CLIP2: variants seen among roughly 807,000 people sequenced by gnomAD.
CLIP2 encodes CAP-Gly domain-containing linker protein 2.
CLIP2 carries 41 observed loss-of-function variants against 111.7 expected under a neutral mutation model. The ratio of observed to expected loss-of-function variants is 0.37; its 90% CI spans 0.29 to 0.48. CLIP2 has a LOEUF of 0.48. Among genes scored for constraint, CLIP2 ranks in the 20% least tolerant of loss-of-function variants. The pLI is 0.99. For missense variants in CLIP2, 1,160 were observed against 1,422.1 expected, an observed-to-expected ratio of 0.82 and a Z score of 2.96; for synonymous variants, 660 against 644.2, an observed-to-expected ratio of 1.02 and a Z score of -0.37.
intron 3 of CLIP2, among the ~76,000 whole-genome samples, chr7:74,352,144 T>C (rs576746473): frequency 6.6e-6 from 1 of 152,030 alleles, no homozygotes; most frequent in Non-Finnish European, 1.5e-5. Flanking sequence ...CTATTAAAAC[T>C]AGGCAGACAG....
At chr7:74,330,645 GC>G (rs1219219154) in intron 2 of CLIP2, among the ~76,000 whole-genome samples, 1 of 152,098 alleles carries the variant, frequency 6.6e-6, no homozygotes, top group Non-Finnish European at 1.5e-5. Flanking sequence ...ATGTCGGGAT[GC>G]TCCTGAACTC....
rs544436717 is a variant in CLIP2, at chr7:74,397,970, A to T, written c.2880+737A>T. On this transcript the variant is annotated intron_variant, in intron 14 of 16. Transcript: ENST00000223398. ...GTGTCAGCCACTGCGCCCGGTCGAGATTTCTTTTCTATTATGAATAGGAAC... is the reference window on the plus strand; with the variant it reads ...GTGTCAGCCACTGCGCCCGGTCGAGTTTTCTTTTCTATTATGAATAGGAAC... 2.8e-4 allele frequency among the ~76,000 whole-genome samples: 42 copies of T among 149,124 alleles called. No individual in the cohort carries two copies. The South Asian group carries it at 6.8e-3, about 24-fold the overall frequency.
intron 8 of CLIP2, among the ~76,000 whole-genome samples, chr7:74,369,523 A>T (rs1424744333): frequency 6.6e-6 from 1 of 151,910 alleles, no homozygotes; most frequent in Non-Finnish European, 1.5e-5. Context: ...AGCCTGGGTG[A>T]CAGAGCAAGA....
At chr7:74,401,385 G>A in intron 15 of CLIP2, 120 bp from the exon 16 acceptor site, 1 of 903,746 alleles carries the variant, frequency 1.1e-6, no homozygotes. Flanking sequence ...GGAGCCCCAG[G>A]CTGAAGGGGT....
intron 14 of CLIP2, among the ~76,000 whole-genome samples, chr7:74,399,468 T>G (rs1244427373): frequency 6.8e-6 from 1 of 146,960 alleles, no homozygotes; most frequent in Non-Finnish European, 1.5e-5. Flanking sequence ...AGCCCAGGAA[T>G]TGGAGGCTGT....
intron 11 of CLIP2, among the ~76,000 whole-genome samples, chr7:74,386,102 CA>C (rs1458736573): frequency 2.0e-5 from 3 of 146,978 alleles, no homozygotes; most frequent in Non-Finnish European, 4.5e-5. Context: ...GGCTGGAGTG[CA>C]ATGGCGCTAT....
At chr7:74,306,682 G>A (rs782296916) in intron 1 of CLIP2, among the ~76,000 whole-genome samples, 10 of 152,184 alleles carry the variant, frequency 6.6e-5, no homozygotes, top group Non-Finnish European at 1.3e-4. Context: ...AAGGGGGACT[G>A]TTGGTCTGAA....
chr7:74,394,552 G>A (rs533867054), intron 13 of CLIP2, among the ~76,000 whole-genome samples: 270 of 152,292 alleles, frequency 1.8e-3, no homozygotes, highest in Non-Finnish European at 3.3e-3. Flanking sequence ...CCCGGGCCCA[G>A]CATTTGCATT....
At chr7:74,398,017 A>T (rs1318978158) in intron 14 of CLIP2, among the ~76,000 whole-genome samples, 1 of 151,724 alleles carries the variant, frequency 6.6e-6, no homozygotes, top group East Asian at 2.0e-4. Flanking sequence ...GAGTCTGCAG[A>T]GACGGGTTGG....
chr7:74,329,848 C>T (rs1222950218), intron 2 of CLIP2, among the ~76,000 whole-genome samples: 4 of 152,084 alleles, frequency 2.6e-5, no homozygotes, highest in Non-Finnish European at 5.9e-5. Context: ...GGCACGATCT[C>T]AGCTCACTGC....
In CLIP2 at chr7:74,338,978, G is replaced by C; in HGVS notation, c.652G>C (p.Asp218His). ...DSGSVKRGEKDLRLGDRVLVG... is the reference protein window; with the variant it reads ...DSGSVKRGEKHLRLGDRVLVG... ...CGGCTCTGTGAAGCGGGGCGAAAAG[G>C]ACCTGCGCCTGGGGGACCGCGTGCT... Residue 218 changes from aspartate (D) to histidine (H), a missense_variant, in exon 3 of 17, where the codon GAC becomes CAC. By Grantham distance (81) the Asp-to-His change is moderately conservative (BLOSUM62 -1). This residue lies in a region of CLIP2 where 301 missense variants were observed against 315.2 expected (regional missense o/e 0.96). Coordinates refer to ENST00000223398, the MANE Select transcript of CLIP2 (RefSeq NM_003388.5). The surrounding 1 kb of genome is among the most constrained non-coding windows in gnomAD (Gnocchi z 4.3). 3 of 1,598,598 alleles carry C rather than the reference G, an allele frequency of 1.9e-6. No individual in the cohort carries two copies. The highest frequency in any genetic ancestry group is 2.5e-6 in the Non-Finnish European group (3 of 1,179,668).
At chr7:74,378,595 G>A (rs1584377169) in intron 10 of CLIP2, among the ~76,000 whole-genome samples, 1 of 152,146 alleles carries the variant, frequency 6.6e-6, no homozygotes, top group Admixed American at 6.5e-5. Context: ...AAAATTAGCC[G>A]AGTACAGTGG....
intron 1 of CLIP2, among the ~76,000 whole-genome samples, chr7:74,308,402 C>G (rs1170233623): frequency 1.3e-5 from 2 of 152,170 alleles, no homozygotes; most frequent in African/African-American, 4.8e-5. Context: ...GCCACTCAGA[C>G]CTGAGTGCTA....
chr7:74,321,840 T>C (rs1363515238), intron 2 of CLIP2, among the ~76,000 whole-genome samples: 1 of 151,976 alleles, frequency 6.6e-6, no homozygotes, highest in Non-Finnish European at 1.5e-5. Flanking sequence ...TGTACAGTCA[T>C]CAGTCATGTC....
intron 5 of CLIP2, 85 bp downstream of exon 5, chr7:74,356,708 C>A: frequency 1.6e-6 from 2 of 1,254,728 alleles, no homozygotes; most frequent in East Asian, 2.5e-5. Context: ...TCTGGTCTGC[C>A]CCTGACTTAC....
intron 8 of CLIP2, among the ~76,000 whole-genome samples, chr7:74,370,316 C>T (rs1396863874): frequency 1.3e-5 from 2 of 151,260 alleles, no homozygotes; most frequent in Admixed American, 6.6e-5. Context: ...ATTAGCCGGG[C>T]GTGGTGGCGG....
intron 1 of CLIP2, among the ~76,000 whole-genome samples, chr7:74,298,712 T>C (rs1158537414): frequency 1.3e-5 from 2 of 151,990 alleles, no homozygotes; most frequent in Non-Finnish European, 2.9e-5. Context: ...TTTTGTACTT[T>C]TAGTAGAAAT....
At chr7:74,381,221 G>A (rs782399670) in intron 11 of CLIP2, among the ~76,000 whole-genome samples, 7 of 151,572 alleles carry the variant, frequency 4.6e-5, no homozygotes, top group South Asian at 4.2e-4. Context: ...ACGGAGTTTC[G>A]CTCTGTCGCC....
chr7:74,337,510 G>C (rs115695825), intron 2 of CLIP2, among the ~76,000 whole-genome samples: 1 of 152,128 alleles, frequency 6.6e-6, no homozygotes, highest in East Asian at 1.9e-4. Context: ...CACCTGGTGG[G>C]GGGGTGGCTT....
Sources: gnomAD v4.1 joint callset for allele counts (sites outside exome capture counted in the v4.1 genomes callset) on GRCh38, gnomAD v4.1.1 for gene constraint, gnomAD v4.1.1 regional missense constraint, Gnocchi (gnomAD v3.1) non-coding constraint, MANE v1.5 for transcripts, NCBI Gene and HGNC (gene_info 2026-07-23, HGNC 2026-07-21) for gene names.